MATN2: variants seen among roughly 807,000 people sequenced by gnomAD.
MATN2 encodes matrilin 2, also known as matrilin-2.
MATN2 carries 69 observed loss-of-function variants against 103.2 expected under a neutral mutation model. The observed-to-expected ratio is 0.67, with a 90% CI of 0.55 to 0.82. The LOEUF is 0.82. Among genes scored for constraint, MATN2 ranks in the 40% least tolerant of loss-of-function variants. MATN2 has a pLI of 0.00. For synonymous variants in MATN2, 429 were observed against 450.2 expected (o/e 0.95, Z 0.60); for missense variants, 1,023 against 1,211.5 (o/e 0.84, Z 2.31).
At chr8:97,932,164 A>G (rs902056579) in intron 3 of MATN2, among the ~76,000 whole-genome samples, 1 of 152,144 alleles carries the variant, frequency 6.6e-6, no homozygotes, top group African/African-American at 2.4e-5. Flanking sequence ...CAAACCACAG[A>G]ATGAGGAAGA....
At chr8:98,024,522 A>ACAACAG (rs1813718636) in intron 13 of MATN2, among the ~76,000 whole-genome samples, 1 of 152,020 alleles carries the variant, frequency 6.6e-6, no homozygotes, top group African/African-American at 2.4e-5. Flanking sequence ...AACAACAACA[A>ACAACAG]CAACAAACAA....
At chr8:98,031,897 T>G in intron 15 of MATN2, 1 of 171,584 alleles carries the variant, frequency 5.8e-6, no homozygotes, top group Non-Finnish European at 1.2e-5. Context: ...TCTTGATTGT[T>G]TCATGCAAGT....
Position 98,005,446 on chromosome 8 carries a change from G to A in MATN2, c.1328-1659G>A, listed in dbSNP as rs139894422. Among the ~76,000 whole-genome samples, 548 of 152,242 alleles carry A rather than the reference G, an allele frequency of 3.6e-3. 4 individuals carry two copies. The highest frequency in any genetic ancestry group is 0.012 in the African/African-American group (513 of 41,554). On this transcript the variant is annotated intron_variant, in intron 8 of 18. Coordinates refer to ENST00000254898, the MANE Select transcript of MATN2 (RefSeq NM_002380.5). The surrounding 1 kb of genome is among the most constrained non-coding windows in gnomAD (Gnocchi z 4.6). ...CAATTTTCCCAGGGCAGGTGGTCCT[G>A]ACCTGGCTGAGCCCACGCAGATCAC...
chr8:97,950,776 T>C (rs1810920920), intron 4 of MATN2: 1 of 152,192 alleles, frequency 6.6e-6, no homozygotes, highest in South Asian at 2.1e-4. Context: ...TTAAGACTGA[T>C]GGATAACTGC....
At chr8:98,004,368 T>G (rs1812894690) in intron 8 of MATN2, 1 of 154,878 alleles carries the variant, frequency 6.5e-6, no homozygotes, top group African/African-American at 2.4e-5. Flanking sequence ...TTAACTAATA[T>G]TAGTATTTGC....
At chr8:97,885,858 C>CTAG (rs895973517) in intron 1 of MATN2, among the ~76,000 whole-genome samples, 16 of 152,174 alleles carry the variant, frequency 1.1e-4, no homozygotes, top group Non-Finnish European at 2.9e-5. Flanking sequence ...TTGTAATGAG[C>CTAG]TAGTGCAGGG....
intron 3 of MATN2, among the ~76,000 whole-genome samples, chr8:97,932,344 G>A (rs1001949590): frequency 4.6e-5 from 7 of 152,100 alleles, no homozygotes; most frequent in Non-Finnish European, 5.9e-5. Flanking sequence ...GTGCTGGCAG[G>A]GGATGTTTTC....
chr8:98,021,716 T>A (rs1040902682), intron 13 of MATN2, among the ~76,000 whole-genome samples: 2 of 150,534 alleles, frequency 1.3e-5, no homozygotes, highest in African/African-American at 4.9e-5. Flanking sequence ...AAAGGAGTCT[T>A]GAGAGAATTA....
At chr8:97,880,134 A>G (rs543080403) in intron 1 of MATN2, among the ~76,000 whole-genome samples, 2 of 145,934 alleles carry the variant, frequency 1.4e-5, no homozygotes, top group African/African-American at 5.1e-5. Flanking sequence ...CCCAGGCTGC[A>G]GTGCAGTGGC....
At chr8:97,874,406 C>CTTCTTCTTCT (rs371042037) in intron 1 of MATN2, among the ~76,000 whole-genome samples, 1 of 136,100 alleles carries the variant, frequency 7.3e-6, no homozygotes, top group Non-Finnish European at 1.6e-5. Context: ...TCTTCTTCTT[C>CTTCTTCTTCT]TTTTTTTTTT....
At chr8:97,989,292 AC>A (rs1389052876) in intron 6 of MATN2, among the ~76,000 whole-genome samples, 5 of 152,012 alleles carry the variant, frequency 3.3e-5, no homozygotes, top group African/African-American at 4.8e-5. Context: ...ACACGGTGAA[AC>A]CCCGTCTCTC....
intron 4 of MATN2, among the ~76,000 whole-genome samples, chr8:97,958,977 T>C (rs1811223734): frequency 6.6e-6 from 1 of 152,164 alleles, no homozygotes; most frequent in East Asian, 1.9e-4. Context: ...TACTCACGCG[T>C]CCCAAGCCTG....
At chr8:97,979,591 G>C (rs1172901438) in intron 6 of MATN2, among the ~76,000 whole-genome samples, 2 of 152,084 alleles carry the variant, frequency 1.3e-5, no homozygotes, top group Admixed American at 6.6e-5. Flanking sequence ...TTGCAAAAAA[G>C]ATAATAACTA....
chr8:97,998,853 A>C (rs750396422), intron 7 of MATN2, among the ~76,000 whole-genome samples: 2 of 152,210 alleles, frequency 1.3e-5, no homozygotes, highest in Non-Finnish European at 2.9e-5. Flanking sequence ...TATATATAAC[A>C]TAAAATGTAC....
At chr8:97,870,774 G>A (rs1352420358) in intron 1 of MATN2, among the ~76,000 whole-genome samples, 1 of 152,128 alleles carries the variant, frequency 6.6e-6, no homozygotes, top group Non-Finnish European at 1.5e-5. Flanking sequence ...TGCTCCCAAA[G>A]GGCCAACCTC....
rs559526482 is a variant in MATN2, at chr8:97,903,518, A to G, written c.142+15276A>G. Among the ~76,000 whole-genome samples the G allele has an allele frequency of 3.3e-5, 5 of 152,294 alleles. No homozygotes were observed. In the South Asian group the frequency reaches 1.0e-3, roughly 32 times the overall value. ...TAGCAAATATTTGCTGGATGGGTGG[A>G]CAAATGGAAACTGGAATGAAATGGA... On this transcript the variant is annotated intron_variant, in intron 2 of 18. Transcript: ENST00000254898.
In MATN2 at chr8:97,994,503, A is replaced by C; in HGVS notation, c.1105A>C (p.Asn369His). The C allele has an allele frequency of 6.2e-7, 1 of 1,613,006 alleles. No homozygotes were observed. The highest frequency in any genetic ancestry group is 8.5e-7 in the Non-Finnish European group (1 of 1,179,588). The change falls in exon 7 of 19, where the codon AAT becomes CAT. Residue 369 changes from asparagine (N) to histidine (H), a missense_variant. By Grantham distance (68) the Asn-to-His change is moderately conservative. Coordinates refer to ENST00000254898, the MANE Select transcript of MATN2 (RefSeq NM_002380.5). ...AGAGATAGACTACTGTGCCTCATCT[A>C]ATCACGGATGTCAGCACGAGTGTGT... Reference protein sequence around the residue: ...CTKIDYCASSNHGCQHECVNT... With the variant: ...CTKIDYCASSHHGCQHECVNT...
chr8:97,932,975 G>A (rs765233131), intron 3 of MATN2, among the ~76,000 whole-genome samples: 7 of 152,116 alleles, frequency 4.6e-5, no homozygotes, highest in Non-Finnish European at 8.8e-5. Context: ...ACCCAGGAGG[G>A]GGTTCTCAGA....
chr8:97,995,261 C>T (rs1382178173), intron 7 of MATN2, among the ~76,000 whole-genome samples: 1 of 152,196 alleles, frequency 6.6e-6, no homozygotes, highest in African/African-American at 2.4e-5. Context: ...TTATCTTTTT[C>T]TCGCTGCTGA....
Sources: gnomAD v4.1 joint callset for allele counts (sites outside exome capture counted in the v4.1 genomes callset) on GRCh38, gnomAD v4.1.1 for gene constraint, Gnocchi (gnomAD v3.1) non-coding constraint, MANE v1.5 for transcripts, NCBI Gene and HGNC (gene_info 2026-07-23, HGNC 2026-07-21) for gene names.